CHKA: variants seen among roughly 807,000 people sequenced by gnomAD.
The protein encoded by CHKA is choline kinase alpha, also known as CHETK-alpha.
Under a neutral mutation model 60.1 loss-of-function variants are expected in CHKA, and 34 were observed. The observed-to-expected ratio is 0.57, with a 90% CI of 0.43 to 0.75. The LOEUF (loss-of-function observed/expected upper bound fraction) is 0.75, where lower values mean the gene tolerates loss of function less well. Among genes scored for constraint, CHKA ranks in the 30% least tolerant of loss-of-function variants. CHKA has a pLI of 0.00. For synonymous variants in CHKA, 217 were observed against 223.1 expected (o/e 0.97, Z 0.24); for missense variants, 563 against 561.3 (o/e 1.00, Z -0.03).
intron 3 of CHKA, among the ~76,000 whole-genome samples, 175 bp from the exon 4 acceptor site, chr11:68,075,005 C>A (rs1856741991): frequency 6.6e-6 from 1 of 152,242 alleles, no homozygotes; most frequent in Non-Finnish European, 1.5e-5. Context: ...CAAAGTCACA[C>A]ATCGTGTCAT....
At chr11:68,100,604 C>CATAAATAAATAA (rs71461687) in intron 1 of CHKA, among the ~76,000 whole-genome samples, 1,294 of 65,520 alleles carry the variant, frequency 0.02, 13 homozygotes, top group African/African-American at 0.048. Flanking sequence ...TAAATAAATA[C>CATAAATAAATAA]ATAAATAAAT....
chr11:68,108,048 C>T (rs184193123), intron 1 of CHKA, among the ~76,000 whole-genome samples: 1 of 152,344 alleles, frequency 6.6e-6, no homozygotes, highest in Admixed American at 6.5e-5. Flanking sequence ...GGACGCTAGA[C>T]AGGCTGACGG....
At chr11:68,079,352 C>T (rs946570708) in intron 3 of CHKA, among the ~76,000 whole-genome samples, 6 of 148,448 alleles carry the variant, frequency 4.0e-5, no homozygotes, top group Admixed American at 1.3e-4. Context: ...TCTTTTGAGT[C>T]GGAGTTTCGC....
At chr11:68,072,978 G>A (rs531212735) in intron 4 of CHKA, among the ~76,000 whole-genome samples, 3 of 152,318 alleles carry the variant, frequency 2.0e-5, no homozygotes, top group Admixed American at 6.5e-5. Flanking sequence ...CTGGGCAAGA[G>A]AGTGAGACTC....
At position 68,112,212 on chromosome 11, in the gene CHKA, G is replaced by C. The variant is rs922884632; in HGVS notation, c.350+8616C>G. On this transcript the variant is annotated intron_variant, in intron 1 of 11. Transcript: ENST00000265689. ...TAGATAATTTCTTGATGGTAACATA[G>C]AAGAAAATCTAGATGACCTTAGGTA... Among the ~76,000 whole-genome samples, 6 of 152,104 alleles carry C rather than the reference G, an allele frequency of 3.9e-5. No individual in the cohort carries two copies. The East Asian group carries it at 1.2e-3, about 29-fold the overall frequency.
Position 68,120,878 on chromosome 11 carries a change from G to C in CHKA, c.300C>G (p.Pro100=). 1 of 1,355,390 alleles carries C rather than the reference G, an allele frequency of 7.4e-7. No homozygotes were observed. Among genetic ancestry groups the C allele is most frequent in the Non-Finnish European group, 9.6e-7 (1 of 1,040,026 alleles). 84.0% of individuals were successfully genotyped at this position (1,355,390 alleles called of 1,614,324 possible). The change falls in exon 1 of 12, where the codon CCC becomes CCG. Residue 100 remains proline (P), a synonymous_variant. Transcript: ENST00000265689. ...CCTCGCGGAGGCCCCGCCAGGCGCCGGGCAGGAACTCCTTGCACCACAGAT... is the reference window on the plus strand; with the variant it reads ...CCTCGCGGAGGCCCCGCCAGGCGCCCGGCAGGAACTCCTTGCACCACAGAT... ...RAYLWCKEFL[P]GAWRGLREDE... is the part of the protein sequence containing the mutation.
chr11:68,071,136 C>T (rs1419309464), intron 4 of CHKA, among the ~76,000 whole-genome samples: 1 of 152,212 alleles, frequency 6.6e-6, no homozygotes, highest in Non-Finnish European at 1.5e-5. Context: ...TGAACTACTA[C>T]ACTATCATCT....
rs188499514 is a variant in CHKA, at chr11:68,118,545, C to T, written c.350+2283G>A. ...CCTATGGAGAATCACTGAATTTCAA[C>T]CAGACGAATTCCTCTCCTTCTCCGC... On this transcript the variant is annotated intron_variant, in intron 1 of 11. Coordinates refer to ENST00000265689, the MANE Select transcript of CHKA (RefSeq NM_001277.3). 7.2e-5 allele frequency among the ~76,000 whole-genome samples: 11 copies of T among 152,298 alleles called. No homozygotes were observed. The East Asian group carries it at 2.1e-3, about 29-fold the overall frequency.
At chr11:68,100,632 A>AATAC (rs925752462) in intron 1 of CHKA, among the ~76,000 whole-genome samples, 10 of 150,880 alleles carry the variant, frequency 6.6e-5, no homozygotes, top group Non-Finnish European at 1.5e-4. Flanking sequence ...TAAATAAATA[A>AATAC]ATACAAGAGC....
intron 2 of CHKA, 196 bp from the exon 3 acceptor site, chr11:68,081,653 C>T (rs539813220): frequency 5.8e-6 from 3 of 519,710 alleles, no homozygotes; most frequent in African/African-American, 1.9e-5. Flanking sequence ...TTAGAAAGTG[C>T]TTCATTGCTT....
chr11:68,115,261 G>A (rs1858338690), intron 1 of CHKA, among the ~76,000 whole-genome samples: 1 of 152,150 alleles, frequency 6.6e-6, no homozygotes, highest in Admixed American at 6.6e-5. Flanking sequence ...TGGTTTATCA[G>A]GGCATAACCC....
chr11:68,066,608 A>C, intron 7 of CHKA, 92 bp from the exon 8 acceptor site: 1 of 979,796 alleles, frequency 1.0e-6, no homozygotes, highest in Non-Finnish European at 1.6e-6. Context: ...TTGATCCCTT[A>C]GGGAATCCTA....
intron 4 of CHKA, among the ~76,000 whole-genome samples, chr11:68,073,452 G>A (rs1301107591): frequency 2.0e-5 from 3 of 152,124 alleles, no homozygotes; most frequent in Non-Finnish European, 4.4e-5. Context: ...TCGGGAGTTC[G>A]AGACCAGCCT....
chr11:68,066,579 C>T, intron 7 of CHKA, 63 bp from the exon 8 acceptor site: 2 of 1,262,730 alleles, frequency 1.6e-6, no homozygotes, highest in Non-Finnish European at 1.2e-6. Flanking sequence ...CCTTGAACAG[C>T]AGAGCCGAGA....
intron 11 of CHKA, among the ~76,000 whole-genome samples, chr11:68,058,047 C>T (rs1856091359): frequency 6.6e-6 from 1 of 152,112 alleles, no homozygotes; most frequent in South Asian, 2.1e-4. Context: ...GTGCTACAGA[C>T]ACCCAGCTAA....
chr11:68,065,946 A>T, intron 8 of CHKA, 52 bp from the exon 9 acceptor site: 1 of 1,298,062 alleles, frequency 7.7e-7, no homozygotes, highest in South Asian at 1.2e-5. Flanking sequence ...GTATGCCTGG[A>T]GGCTCCCTGA....
At position 68,120,841 on chromosome 11, in the gene CHKA, T is replaced by C. The variant is rs748090822; in HGVS notation, c.337A>G (p.Ile113Val). 3 of 1,320,844 alleles carry C rather than the reference T, an allele frequency of 2.3e-6. No homozygotes were observed. In the African/African-American group the frequency reaches 4.6e-5, roughly 20 times the overall value. 81.8% of individuals were successfully genotyped at this position (1,320,844 alleles called of 1,614,324 possible). A position where few individuals can be genotyped will look rare whatever the true frequency, so the allele number is the denominator to read the frequency against. The change falls in exon 1 of 12, where the codon ATC (isoleucine) becomes GTC (valine). Residue 113 changes from isoleucine (I) to valine (V), a missense_variant. Ile to Val is a conservative substitution (Grantham distance 29). Coordinates refer to ENST00000265689, the MANE Select transcript of CHKA (RefSeq NM_001277.3). ...GGCGCCACCGACCTGATGACACTGA[T>C]GTGGAACTCGTCCTCGCGGAGGCCC... ...WRGLREDEFH[I>V]SVIRGGLSNM...
intron 11 of CHKA, among the ~76,000 whole-genome samples, chr11:68,054,548 GTGT>G (rs1426114762): frequency 6.6e-6 from 1 of 152,170 alleles, no homozygotes; most frequent in Non-Finnish European, 1.5e-5. Context: ...ACCCGGCTTG[GTGT>G]TCTGTTTCTG....
chr11:68,120,757 C>G, intron 1 of CHKA, 71 bp downstream of exon 1: 2 of 596,106 alleles, frequency 3.4e-6, no homozygotes, highest in Non-Finnish European at 4.4e-6. Context: ...ACGCCCCCTG[C>G]CCGGACCCCG....
Sources: gnomAD v4.1 joint callset for allele counts (sites outside exome capture counted in the v4.1 genomes callset) on GRCh38, gnomAD v4.1.1 for gene constraint, MANE v1.5 for transcripts, NCBI Gene and HGNC (gene_info 2026-07-23, HGNC 2026-07-21) for gene names.